Variants in MACROD2 observed in about 807,000 individuals in gnomAD.
MACROD2 encodes mono-ADP ribosylhydrolase 2.
Under a neutral mutation model 70.4 loss-of-function variants are expected in MACROD2, and 36 were observed. That is an observed-to-expected ratio of 0.51 (90% CI 0.39 to 0.68). MACROD2 has a LOEUF of 0.68. Among genes scored for constraint, MACROD2 ranks in the 30% least tolerant of loss-of-function variants. The probability of loss-of-function intolerance (pLI) is 0.00; values close to 1 mark genes in which losing one functional copy is unlikely to be tolerated. For synonymous variants in MACROD2, 172 were observed against 178.8 expected, an observed-to-expected ratio of 0.96 and a Z score of 0.30; for missense variants, 496 against 538.4, an observed-to-expected ratio of 0.92 and a Z score of 0.78.
rs6034139 is a variant in MACROD2, at chr20:15,267,807, G to A, written c.540+37746G>A. On this transcript the variant is annotated intron_variant, in intron 6 of 17. Coordinates refer to ENST00000684519, the MANE Select transcript of MACROD2 (RefSeq NM_001351661.2). ...GGAAGTTCCTGCCAGTTGCGGAGGT[G>A]GGGAGGAGCCTGGCCTCTCCGGTTC... 6.9e-3 allele frequency among the ~76,000 whole-genome samples: 1,056 copies of A among 152,268 alleles called. 9 individuals carry two copies. Among genetic ancestry groups the A allele is most frequent in the African/African-American group, 0.024 (994 of 41,530 alleles).
intron 5 of MACROD2, among the ~76,000 whole-genome samples, chr20:14,806,459 C>T (rs1023727800): frequency 2.0e-5 from 3 of 152,050 alleles, no homozygotes; most frequent in African/African-American, 7.2e-5. Flanking sequence ...CAGGAGATTA[C>T]CTCAGGTGCC....
chr20:14,396,817 C>T (rs1029272587), intron 3 of MACROD2, among the ~76,000 whole-genome samples: 12 of 147,202 alleles, frequency 8.2e-5, no homozygotes, highest in South Asian at 2.2e-4. Flanking sequence ...TCCAGCTACT[C>T]GGGAGGCTGA....
intron 3 of MACROD2, among the ~76,000 whole-genome samples, chr20:14,092,342 G>T (rs1319591129): frequency 1.3e-5 from 2 of 151,932 alleles, no homozygotes; most frequent in Non-Finnish European, 2.9e-5. Context: ...TTGCCATTTT[G>T]TAATGGGTCT....
chr20:15,513,439 C>G (rs1022396671), intron 8 of MACROD2, among the ~76,000 whole-genome samples: 4 of 152,158 alleles, frequency 2.6e-5, no homozygotes, highest in African/African-American at 9.7e-5. Flanking sequence ...CCCCAAACCC[C>G]CTTCCACACA....
chr20:14,029,583 A>G (rs1354194814), intron 2 of MACROD2, among the ~76,000 whole-genome samples: 1 of 152,162 alleles, frequency 6.6e-6, no homozygotes, highest in Admixed American at 6.5e-5. Context: ...ATTTTAGAAC[A>G]ATATAAGAAA....
rs113536411 is a variant in MACROD2 at position 14,909,144 on chromosome 20, G to A, written c.418+224185G>A. ...GAGCGTAAATTAAGAAGAGTTAGAG[G>A]CATCAGACTGGAAGATTGGTGGAGC... On this transcript the variant is annotated intron_variant, in intron 5 of 17. Coordinates refer to ENST00000684519, the MANE Select transcript of MACROD2 (RefSeq NM_001351661.2). Among the ~76,000 whole-genome samples the A allele has an allele frequency of 4.2e-3, 633 of 152,236 alleles. 2 individuals carry two copies. The highest frequency in any genetic ancestry group is 0.014 in the African/African-American group (598 of 41,554).
intron 3 of MACROD2, among the ~76,000 whole-genome samples, chr20:14,376,430 G>A (rs1490599980): frequency 2.6e-5 from 4 of 152,102 alleles, no homozygotes; most frequent in Non-Finnish European, 5.9e-5. Context: ...CCCAAGACCA[G>A]TTGAAATAAT....
At chr20:14,975,433 G>C (rs1280218032) in intron 5 of MACROD2, among the ~76,000 whole-genome samples, 1 of 152,142 alleles carries the variant, frequency 6.6e-6, no homozygotes, top group Non-Finnish European at 1.5e-5. Flanking sequence ...AGGTGGGAAA[G>C]CAGGGCAGCC....
intron 12 of MACROD2, among the ~76,000 whole-genome samples, chr20:15,942,861 T>C (rs772112397): frequency 3.9e-5 from 6 of 152,212 alleles, no homozygotes; most frequent in Admixed American, 2.0e-4. Flanking sequence ...GCCTTATTAT[T>C]TAATCAGTAC....
At chr20:15,215,831 A>G (rs2076805569) in intron 5 of MACROD2, among the ~76,000 whole-genome samples, 1 of 152,154 alleles carries the variant, frequency 6.6e-6, no homozygotes, top group Non-Finnish European at 1.5e-5. Flanking sequence ...TCAGAATGAA[A>G]GAATGCATGA....
At chr20:14,779,439 A>G (rs2072272844) in intron 5 of MACROD2, among the ~76,000 whole-genome samples, 1 of 152,112 alleles carries the variant, frequency 6.6e-6, no homozygotes, top group Non-Finnish European at 1.5e-5. Context: ...GAAAAGCTGC[A>G]AAGGAGTCCC....
chr20:15,158,785 T>C (rs988006786), intron 5 of MACROD2, among the ~76,000 whole-genome samples: 1 of 152,186 alleles, frequency 6.6e-6, no homozygotes, highest in Non-Finnish European at 1.5e-5. Context: ...GAAAAGATCA[T>C]TAACTTGTTG....
intron 8 of MACROD2, among the ~76,000 whole-genome samples, chr20:15,566,908 C>T (rs1211349456): frequency 6.6e-6 from 1 of 152,144 alleles, no homozygotes; most frequent in Non-Finnish European, 1.5e-5. Context: ...CTTACCTGAT[C>T]AGCAAAACTA....
chr20:14,806,627 G>T (rs948611798), intron 5 of MACROD2, among the ~76,000 whole-genome samples: 1 of 152,188 alleles, frequency 6.6e-6, no homozygotes, highest in South Asian at 2.1e-4. Flanking sequence ...TGAAGCCAGG[G>T]AGCCAAGTGG....
At chr20:14,676,260 A>C (rs1471007359) in intron 4 of MACROD2, among the ~76,000 whole-genome samples, 1 of 152,188 alleles carries the variant, frequency 6.6e-6, no homozygotes, top group African/African-American at 2.4e-5. Flanking sequence ...TTTCAGCACC[A>C]CATCATGCTT....
At chr20:14,396,631 A>G (rs1327675119) in intron 3 of MACROD2, among the ~76,000 whole-genome samples, 1 of 152,146 alleles carries the variant, frequency 6.6e-6, no homozygotes, top group African/African-American at 2.4e-5. Context: ...GTTGATTTTT[A>G]AAATCCAATC....
intron 5 of MACROD2, among the ~76,000 whole-genome samples, chr20:14,934,431 G>C (rs2074322835): frequency 6.6e-6 from 1 of 152,130 alleles, no homozygotes; most frequent in African/African-American, 2.4e-5. Context: ...CTCCCCATGA[G>C]ATCAGACCAT....
intron 5 of MACROD2, among the ~76,000 whole-genome samples, chr20:15,116,632 C>T (rs560193326): frequency 2.0e-4 from 30 of 152,200 alleles, no homozygotes; most frequent in Admixed American, 9.2e-4. Flanking sequence ...GCAATAAGAA[C>T]GGAAATTCTG....
chr20:14,714,646 C>T (rs1317358054), intron 5 of MACROD2, among the ~76,000 whole-genome samples: 3 of 152,134 alleles, frequency 2.0e-5, no homozygotes, highest in Admixed American at 6.5e-5. Flanking sequence ...CAACATGCCC[C>T]CTCTCATGAT....
Sources: gnomAD v4.1 joint callset for allele counts (sites outside exome capture counted in the v4.1 genomes callset) on GRCh38, gnomAD v4.1.1 for gene constraint, MANE v1.5 for transcripts, NCBI Gene and HGNC (gene_info 2026-07-23, HGNC 2026-07-21) for gene names.